Variants in C2CD2 observed in about 807,000 individuals in gnomAD.
C2CD2 encodes C2 calcium dependent domain containing 2.
C2CD2 carries 43 observed loss-of-function variants against 74.3 expected under a neutral mutation model. The ratio of observed to expected loss-of-function variants is 0.58; its 90% CI spans 0.45 to 0.75. C2CD2 has a LOEUF of 0.75. C2CD2 is among the 30% of genes least tolerant of loss of function. C2CD2 has a pLI of 0.00. For missense variants in C2CD2, 801 were observed against 916.3 expected, an observed-to-expected ratio of 0.87 and a Z score of 1.63; for synonymous variants, 422 against 390.7, an observed-to-expected ratio of 1.08 and a Z score of -0.94.
rs9285730 is a variant in C2CD2, at chr21:41,903,184, A to C, written c.1433-1435T>G. Reference sequence around the variant, plus strand: ...CAGGACCCTCCCAGACTGTGCCCTGAGCCCCTTCATCTGGCTGTGCATTTG... The same window carrying C: ...CAGGACCCTCCCAGACTGTGCCCTGCGCCCCTTCATCTGGCTGTGCATTTG... On this transcript the variant is annotated intron_variant, in intron 11 of 13. Coordinates refer to ENST00000380486, the MANE Select transcript of C2CD2 (RefSeq NM_015500.2). The surrounding 1 kb of genome is among the most constrained non-coding windows in gnomAD (Gnocchi z 4.5). 0.49 allele frequency among the ~76,000 whole-genome samples: 74,897 copies of C among 152,004 alleles called. 19,027 individuals are homozygous for C. The highest frequency in any genetic ancestry group is 0.56 in the Non-Finnish European group (38,124 of 67,944).
intron 2 of C2CD2, among the ~76,000 whole-genome samples, chr21:41,928,258 C>G (rs534744282): frequency 6.6e-6 from 1 of 152,310 alleles, no homozygotes; most frequent in South Asian, 2.1e-4. Context: ...GGGGCCACCA[C>G]AGGTCTTTCA....
At chr21:41,947,517 C>T in intron 1 of C2CD2, among the ~76,000 whole-genome samples, 1 of 152,092 alleles carries the variant, frequency 6.6e-6, no homozygotes, top group East Asian at 1.9e-4. Flanking sequence ...AGTAACATGC[C>T]ACCAATGTTA....
intron 11 of C2CD2, 23 bp downstream of exon 11, chr21:41,905,701 C>T (rs182542957): frequency 2.5e-4 from 311 of 1,245,566 alleles, no homozygotes; most frequent in African/African-American, 8.3e-4. Flanking sequence ...AGAGGGAGAG[C>T]GACGTGGGCG....
intron 6 of C2CD2, among the ~76,000 whole-genome samples, chr21:41,914,087 G>A (rs1390380026): frequency 2.0e-5 from 3 of 152,048 alleles, no homozygotes; most frequent in African/African-American, 7.2e-5. Flanking sequence ...ATAGCCAGGC[G>A]TGGTGGTGCA....
Position 41,926,571 on chromosome 21 carries a change from C to G in C2CD2, c.379-4486G>C. 1 of 939,330 alleles carries G rather than the reference C, an allele frequency of 1.1e-6. No homozygotes were observed. 58.2% of individuals were successfully genotyped at this position (939,330 alleles called of 1,614,324 possible). A position where few individuals can be genotyped will look rare whatever the true frequency, so the allele number is the denominator to read the frequency against. ...CACCTTGACCTCATGTAGTCACATA[C>G]CTATGCAAACAGCGCTTATCTGGAA... On this transcript the variant is annotated intron_variant, in intron 2 of 13. Coordinates refer to ENST00000380486, the MANE Select transcript of C2CD2 (RefSeq NM_015500.2). This position sits in a 1 kb window ranked among gnomAD's most constrained non-coding sequence, Gnocchi z 8.0.
At chr21:41,904,420 C>A (rs1269158895) in intron 11 of C2CD2, among the ~76,000 whole-genome samples, 1 of 152,224 alleles carries the variant, frequency 6.6e-6, no homozygotes, top group Non-Finnish European at 1.5e-5. Context: ...CGTACGGGTT[C>A]TCTGCCTACA....
At position 41,939,603 on chromosome 21, in the gene C2CD2, G is replaced by A. The variant is rs1389760346; in HGVS notation, c.378+2544C>T. On this transcript the variant is annotated intron_variant, in intron 2 of 13. Transcript: ENST00000380486. The surrounding 1 kb of genome is among the most constrained non-coding windows in gnomAD (Gnocchi z 5.5). ...TAAAATGGGCACTGGAGCACCTGCCGCAGGGCCCTCCCAGCTCTCCAGGCT... is the reference window on the plus strand; with the variant it reads ...TAAAATGGGCACTGGAGCACCTGCCACAGGGCCCTCCCAGCTCTCCAGGCT... Among the ~76,000 whole-genome samples, 3 of 152,192 alleles carry A rather than the reference G, an allele frequency of 2.0e-5. No homozygotes were observed. Among genetic ancestry groups the A allele is most frequent in the East Asian group, 1.9e-4 (1 of 5,198 alleles).
Position 41,901,712 on chromosome 21 carries a change from T to G in C2CD2, c.1470A>C (p.Glu490Asp), listed in dbSNP as rs2064900411. The change falls in exon 12 of 14, where the codon GAA (glutamate) becomes GAC (aspartate). Residue 490 changes from glutamate (E) to aspartate (D), a missense_variant. Coordinates refer to ENST00000380486, the MANE Select transcript of C2CD2 (RefSeq NM_015500.2). The stretch of plus-strand genomic sequence containing the variant: ...ATTCACTGAGCTGTCGAATGGCCAC[T>G]TCAGCCACTGGATCCGAACCATTCA... Reference protein sequence around the residue: ...LVLNGSDPVAEVAIRQLSESS... With the variant: ...LVLNGSDPVADVAIRQLSESS... 1.9e-6 allele frequency: 3 copies of G among 1,613,960 alleles called. No individual in the cohort carries two copies. The highest frequency in any genetic ancestry group is 2.5e-6 in the Non-Finnish European group (3 of 1,179,818).
At chr21:41,909,740 T>G (rs919613331) in intron 7 of C2CD2, among the ~76,000 whole-genome samples, 1 of 152,124 alleles carries the variant, frequency 6.6e-6, no homozygotes, top group Non-Finnish European at 1.5e-5. Flanking sequence ...TCCAGAGTAG[T>G]CAACAGGATG....
rs1195291911 is a variant in C2CD2 at position 41,942,173 on chromosome 21, T to C, written c.352A>G (p.Ser118Gly). Residue 118 changes from serine to glycine, a missense_variant, in exon 2 of 14, where the codon AGC becomes GGC. Transcript: ENST00000380486. ...TTCTCCTCCGCCGACCTGAGCACGC[T>C]GGAGACCTCCTGCACCACCAGCTCC... ...ALELVVQEVS[S>G]VLRSAEEKVV... 3.9e-6 allele frequency: 6 copies of C among 1,549,478 alleles called. No individual in the cohort carries two copies. Among genetic ancestry groups the C allele is most frequent in the Non-Finnish European group, 5.2e-6 (6 of 1,146,818 alleles).
Position 41,892,628 on chromosome 21 carries a change from G to T in C2CD2, c.1871-3284C>A, listed in dbSNP as rs1388842121. ...GTGCAGGCCCTTCCTGGAGAATCTG[G>T]CATGATGGGGGTCTGGGGACACTGG... On this transcript the variant is annotated intron_variant, in intron 13 of 13. Transcript: ENST00000380486. The surrounding 1 kb of genome is among the most constrained non-coding windows in gnomAD (Gnocchi z 4.6). Among the ~76,000 whole-genome samples, 1 of 152,114 alleles carries T rather than the reference G, an allele frequency of 6.6e-6. No homozygotes were observed. Among genetic ancestry groups the T allele is most frequent in the Non-Finnish European group, 1.5e-5 (1 of 67,990 alleles).
rs987782140 is a variant in C2CD2, at chr21:41,888,438, G to A, written c.*686C>T. 1 of 152,764 alleles carries A rather than the reference G, an allele frequency of 6.5e-6. No homozygotes were observed. Among genetic ancestry groups the A allele is most frequent in the East Asian group, 1.9e-4 (1 of 5,190 alleles). 9.5% of individuals were successfully genotyped at this position (152,764 alleles called of 1,614,324 possible). ...GAATATATATATCTTCCACTTGCAAGTAGGCTCAAAGTAAACTTAGAAAAG... is the reference window on the plus strand; with the variant it reads ...GAATATATATATCTTCCACTTGCAAATAGGCTCAAAGTAAACTTAGAAAAG... On this transcript the variant is annotated 3_prime_UTR_variant, in exon 14 of 14. Coordinates refer to ENST00000380486, the MANE Select transcript of C2CD2 (RefSeq NM_015500.2).
chr21:41,908,276 T>G (rs7278637), intron 8 of C2CD2: 6,113 of 168,364 alleles, frequency 0.036, 190 homozygotes, highest in Middle Eastern at 0.11. Flanking sequence ...AGAAAATGAG[T>G]AAGGGGAGGG....
chr21:41,902,617 C>T (rs2064912952), intron 11 of C2CD2, among the ~76,000 whole-genome samples: 1 of 152,172 alleles, frequency 6.6e-6, no homozygotes, highest in South Asian at 2.1e-4. Context: ...ATTAAAGTAG[C>T]AGGATGGTAA....
At chr21:41,941,575 C>T (rs2065354674) in intron 2 of C2CD2, among the ~76,000 whole-genome samples, 1 of 152,306 alleles carries the variant, frequency 6.6e-6, no homozygotes, top group East Asian at 1.9e-4. Flanking sequence ...AAGTCTACAA[C>T]ATGATGTGCA....
chr21:41,887,295 A>G lies in C2CD2; in HGVS notation c.*1829T>C, dbSNP rs1028374525. Reference sequence around the variant, plus strand: ...TGAAACTCCAGGTGCTTTTTTTACAATGATTAAAACTGGAATATAATTTTT... The same window carrying G: ...TGAAACTCCAGGTGCTTTTTTTACAGTGATTAAAACTGGAATATAATTTTT... On this transcript the variant is annotated 3_prime_UTR_variant, in exon 14 of 14. Coordinates refer to ENST00000380486, the MANE Select transcript of C2CD2 (RefSeq NM_015500.2). The G allele has an allele frequency of 6.6e-6, 1 of 152,206 alleles. No homozygotes were observed. The highest frequency in any genetic ancestry group is 1.5e-5 in the Non-Finnish European group (1 of 68,028). The allele number at this position is 152,206 out of a possible 1,614,324, so 9.4% of individuals were successfully genotyped here.
rs973494481 is a variant in C2CD2 at position 41,924,284 on chromosome 21, G to A, written c.379-2199C>T. Reference sequence around the variant, plus strand: ...TCCCACCAGTGGCCCATCCCACTCTGGAACAAAAACGGAACCTGGGCACTA... The same window carrying A: ...TCCCACCAGTGGCCCATCCCACTCTAGAACAAAAACGGAACCTGGGCACTA... On this transcript the variant is annotated intron_variant, in intron 2 of 13. Coordinates refer to ENST00000380486, the MANE Select transcript of C2CD2 (RefSeq NM_015500.2). This position sits in a 1 kb window ranked among gnomAD's most constrained non-coding sequence, Gnocchi z 4.4. Among the ~76,000 whole-genome samples, 3 of 152,126 alleles carry A rather than the reference G, an allele frequency of 2.0e-5. No individual in the cohort carries two copies. Among genetic ancestry groups the A allele is most frequent in the African/African-American group, 7.2e-5 (3 of 41,416 alleles).
chr21:41,912,119 G>T, intron 7 of C2CD2: 1 of 524,462 alleles, frequency 1.9e-6, no homozygotes, highest in Non-Finnish European at 3.4e-6. Context: ...ATCATATCAG[G>T]GCAGGAGGAG....
chr21:41,914,548 C>CA (rs766311901), intron 6 of C2CD2, 50 bp downstream of exon 6: 3 of 1,581,224 alleles, frequency 1.9e-6, no homozygotes, highest in Non-Finnish European at 2.6e-6. Flanking sequence ...CGACTCTGCT[C>CA]AGGGGCTGGA....
Sources: allele counts gnomAD v4.1 joint callset (sites outside exome capture counted in the v4.1 genomes callset), GRCh38; gene constraint gnomAD v4.1.1; non-coding constraint Gnocchi (gnomAD v3.1); transcripts MANE v1.5; gene names NCBI Gene and HGNC (gene_info 2026-07-23, HGNC 2026-07-21).